Variants in DOK5 observed in about 807,000 individuals in gnomAD.
The protein encoded by DOK5 is downstream of tyrosine kinase 5.
DOK5 carries 27 observed loss-of-function variants against 43.3 expected under a neutral mutation model. The observed-to-expected ratio is 0.62, with a 90% CI of 0.46 to 0.86. The LOEUF (loss-of-function observed/expected upper bound fraction) is 0.86. Among genes scored for constraint, DOK5 ranks in the 40% least tolerant of loss-of-function variants. The pLI is 0.00. For synonymous variants in DOK5, 146 were observed against 140.1 expected, an observed-to-expected ratio of 1.04 and a Z score of -0.30; for missense variants, 373 against 392.9, an observed-to-expected ratio of 0.95 and a Z score of 0.43.
chr20:54,512,534 T>C (rs777226356), intron 1 of DOK5, among the ~76,000 whole-genome samples: 5 of 152,164 alleles, frequency 3.3e-5, no homozygotes, highest in Non-Finnish European at 5.9e-5. Flanking sequence ...CAGCCTACAG[T>C]GGGCCTAATT....
chr20:54,569,248 G>C (rs1039952652), intron 2 of DOK5, among the ~76,000 whole-genome samples: 4 of 152,090 alleles, frequency 2.6e-5, no homozygotes, highest in African/African-American at 9.7e-5. Context: ...AAATTATAGT[G>C]GCAGTTCCTT....
At chr20:54,591,887 C>T (rs562307998) in intron 5 of DOK5, 82 bp downstream of exon 5, 111 of 1,287,294 alleles carry the variant, frequency 8.6e-5, no homozygotes, top group South Asian at 1.7e-4. Context: ...TCATATGAGG[C>T]GGTAGGTTTA....
chr20:54,612,836 C>T (rs1674768759), intron 6 of DOK5, among the ~76,000 whole-genome samples: 1 of 152,210 alleles, frequency 6.6e-6, no homozygotes, highest in Non-Finnish European at 1.5e-5. Flanking sequence ...TGAAGCCAGA[C>T]TTAGTTCCAA....
intron 5 of DOK5, among the ~76,000 whole-genome samples, chr20:54,603,940 ATTTTTT>A (rs35690531): frequency 1.3e-5 from 1 of 76,274 alleles, no homozygotes; most frequent in East Asian, 3.3e-4. Flanking sequence ...TTCAAACTGT[ATTTTTT>A]TTTTTTTTTT....
rs570484689 is a variant in DOK5, at chr20:54,622,166, C to T, written c.735+11643C>T. Reference sequence around the variant, plus strand: ...CCGAGATCACGCCATGAACTCCAGCCTGGCAACAGAGCAGCACTCCATCTC... The same window carrying T: ...CCGAGATCACGCCATGAACTCCAGCTTGGCAACAGAGCAGCACTCCATCTC... On this transcript the variant is annotated intron_variant, in intron 6 of 7. Transcript: ENST00000262593. 9.3e-5 allele frequency among the ~76,000 whole-genome samples: 14 copies of T among 151,310 alleles called. No individual in the cohort carries two copies. The South Asian group carries it at 2.9e-3, about 32-fold the overall frequency.
chr20:54,541,555 C>A lies in DOK5; in HGVS notation c.67-13378C>A, dbSNP rs571809642. 4.6e-5 allele frequency among the ~76,000 whole-genome samples: 7 copies of A among 152,256 alleles called. No homozygotes were observed. In the East Asian group the frequency reaches 1.2e-3, roughly 25 times the overall value. ...GGTTCAAGTGATTCTCCTGCCTCAG[C>A]CTCCCGAGTAGCTGGGATTACAGGC... On this transcript the variant is annotated intron_variant, in intron 1 of 7. Transcript: ENST00000262593.
chr20:54,648,616 G>A (rs1979554965), intron 7 of DOK5, among the ~76,000 whole-genome samples: 1 of 152,186 alleles, frequency 6.6e-6, no homozygotes, highest in Non-Finnish European at 1.5e-5. Flanking sequence ...TCAAAGATCA[G>A]GAAGGAGCCA....
At chr20:54,515,775 G>A (rs993751806) in intron 1 of DOK5, among the ~76,000 whole-genome samples, 3 of 152,166 alleles carry the variant, frequency 2.0e-5, no homozygotes, top group Non-Finnish European at 2.9e-5. Context: ...AAGAGAGTAC[G>A]CAAAGATGGG....
At chr20:54,600,899 G>T (rs535354262) in intron 5 of DOK5, among the ~76,000 whole-genome samples, 2 of 152,360 alleles carry the variant, frequency 1.3e-5, no homozygotes, top group East Asian at 3.9e-4. Flanking sequence ...GTTAGGCAAA[G>T]AAGTGACATA....
rs1332121091 is a variant in DOK5 at position 54,610,497 on chromosome 20, T to G, written c.709T>G (p.Leu237Val). 1 of 1,541,188 alleles carries G rather than the reference T, an allele frequency of 6.5e-7. No individual in the cohort carries two copies. The highest frequency in any genetic ancestry group is 8.7e-7 in the Non-Finnish European group (1 of 1,143,310). Residue 237 changes from leucine to valine, a missense_variant, in exon 6 of 8, where the codon TTG (leucine) becomes GTG (valine). By Grantham distance (32) the Leu-to-Val change is conservative (BLOSUM62 1). Coordinates refer to ENST00000262593, the MANE Select transcript of DOK5 (RefSeq NM_018431.5). The part of the protein sequence containing the change: ...ALAIAEQHER[L>V]LQSVKNSMLQ... ...GGCCATAGCCGAGCAGCACGAGCGC[T>G]TGCTACAGAGTGTGAAAAACTCGAT...
intron 6 of DOK5, among the ~76,000 whole-genome samples, chr20:54,612,467 G>C (rs1358191334): frequency 2.0e-5 from 3 of 152,202 alleles, no homozygotes; most frequent in Non-Finnish European, 4.4e-5. Flanking sequence ...ATGTCTCTGA[G>C]GGTGTTCCTG....
chr20:54,496,779 A>G (rs1285723943), intron 1 of DOK5, among the ~76,000 whole-genome samples: 3 of 151,610 alleles, frequency 2.0e-5, no homozygotes, highest in Non-Finnish European at 2.9e-5. Context: ...AAAAAAAAAA[A>G]AAAAAAAGAA....
Position 54,614,381 on chromosome 20 carries a change from A to C in DOK5, c.735+3858A>C, listed in dbSNP as rs920486333. On this transcript the variant is annotated intron_variant, in intron 6 of 7. Transcript: ENST00000262593. ...GAGAGAGAGTGAGAGCGAGCTGTGA[A>C]GTAGAATTCAAGTCACTGAAAACTT... 2.6e-5 allele frequency among the ~76,000 whole-genome samples: 4 copies of C among 152,328 alleles called. No individual in the cohort carries two copies. In the South Asian group the frequency reaches 6.2e-4, roughly 24 times the overall value.
chr20:54,612,314 A>G (rs1290590708), intron 6 of DOK5, among the ~76,000 whole-genome samples: 1 of 152,124 alleles, frequency 6.6e-6, no homozygotes, highest in East Asian at 1.9e-4. Context: ...AGGCTTGAAG[A>G]CTTGTGTATG....
At chr20:54,554,411 T>C (rs1984639066) in intron 1 of DOK5, among the ~76,000 whole-genome samples, 1 of 152,192 alleles carries the variant, frequency 6.6e-6, no homozygotes, top group Non-Finnish European at 1.5e-5. Flanking sequence ...GGGTTGAATA[T>C]CCTAAGCAAG....
intron 1 of DOK5, among the ~76,000 whole-genome samples, chr20:54,503,909 A>G (rs777691377): frequency 1.1e-4 from 17 of 152,288 alleles, no homozygotes; most frequent in South Asian, 4.1e-4. Context: ...CAATCCACCA[A>G]CTTCAAAGAT....
rs963349951 is a variant in DOK5, at chr20:54,646,670, TA to T, written c.856+3101del. ...AAGTGGCTATTTAAACAAGTACATT[TA>T]AAAAAAAAGTTTTATTCTTCTACCT... On this transcript the variant is annotated intron_variant, in intron 7 of 7. Coordinates refer to ENST00000262593, the MANE Select transcript of DOK5 (RefSeq NM_018431.5). Among the ~76,000 whole-genome samples, 168 of 152,238 alleles carry T rather than the reference TA, an allele frequency of 1.1e-3. 2 individuals are homozygous for T. The highest frequency in any genetic ancestry group is 6.8e-3 in the Middle Eastern group (2 of 294).
intron 1 of DOK5, among the ~76,000 whole-genome samples, chr20:54,505,648 GAA>G (rs1464238952): frequency 6.6e-6 from 1 of 151,088 alleles, no homozygotes; most frequent in Admixed American, 6.6e-5. Context: ...GAAATAAAGA[GAA>G]AGAGAGAGAA....
At chr20:54,609,779 C>T (rs539081920) in intron 5 of DOK5, among the ~76,000 whole-genome samples, 53 of 152,090 alleles carry the variant, frequency 3.5e-4, no homozygotes, top group Non-Finnish European at 5.0e-4. Flanking sequence ...TACAACTTTC[C>T]GTGAAGAACT....
Sources: gnomAD v4.1 joint callset for allele counts (sites outside exome capture counted in the v4.1 genomes callset) on GRCh38, gnomAD v4.1.1 for gene constraint, MANE v1.5 for transcripts, NCBI Gene and HGNC (gene_info 2026-07-23, HGNC 2026-07-21) for gene names.